Variants in HECW2 observed in about 807,000 individuals in gnomAD.
HECW2 encodes the protein HECT, C2 and WW domain containing E3 ubiquitin protein ligase 2.
Under a neutral mutation model 175.2 loss-of-function variants are expected in HECW2, and 61 were observed. The ratio of observed to expected loss-of-function variants is 0.35; its 90% CI spans 0.28 to 0.43. The LOEUF is 0.43. Among genes scored for constraint, HECW2 ranks in the 20% least tolerant of loss-of-function variants. The pLI is 1.00. For missense variants in HECW2, 1,524 were observed against 2,000.5 expected (o/e 0.76, Z 4.54); for synonymous variants, 671 against 731.0 (o/e 0.92, Z 1.32).
chr2:196,422,930 T>C (rs1375548584), intron 2 of HECW2, among the ~76,000 whole-genome samples: 1 of 152,164 alleles, frequency 6.6e-6, no homozygotes, highest in Non-Finnish European at 1.5e-5. Flanking sequence ...CCCATCACCT[T>C]GTAAAGCATG....
At chr2:196,414,077 CCT>C (rs1044539938) in intron 2 of HECW2, among the ~76,000 whole-genome samples, 2 of 152,204 alleles carry the variant, frequency 1.3e-5, no homozygotes, top group Admixed American at 1.3e-4. Context: ...AAGACAGTCC[CCT>C]GATTTTCTCT....
chr2:196,501,602 G>A (rs537350985), intron 1 of HECW2, among the ~76,000 whole-genome samples: 25 of 152,054 alleles, frequency 1.6e-4, no homozygotes, highest in Non-Finnish European at 3.5e-4. Context: ...AGAACCAAAA[G>A]CCTAAGTTCT....
intron 10 of HECW2, among the ~76,000 whole-genome samples, chr2:196,308,567 T>A (rs893781130): frequency 2.0e-5 from 3 of 152,094 alleles, no homozygotes; most frequent in Admixed American, 2.0e-4. Flanking sequence ...CAGAAAAAAA[T>A]AACTAAAATA....
intron 1 of HECW2, among the ~76,000 whole-genome samples, chr2:196,549,864 A>G (rs1689551742): frequency 1.3e-5 from 2 of 152,224 alleles, no homozygotes; most frequent in African/African-American, 4.8e-5. Context: ...GCAATGCTAT[A>G]ATATTCTAAA....
rs191492403 is a variant in HECW2 at position 196,284,435 on chromosome 2, G to A, written c.3001-5773C>T. Reference sequence around the variant, plus strand: ...ACCTCCATCAAAGCCACACAGCTAGGGCACTGACTGAATATAGCACTTCTA... The same window carrying A: ...ACCTCCATCAAAGCCACACAGCTAGAGCACTGACTGAATATAGCACTTCTA... On this transcript the variant is annotated intron_variant, in intron 14 of 28. Coordinates refer to ENST00000644978, the MANE Select transcript of HECW2 (RefSeq NM_001348768.2). Among the ~76,000 whole-genome samples the A allele has an allele frequency of 6.1e-4, 93 of 152,282 alleles. 1 individual carries two copies. Among genetic ancestry groups the A allele is most frequent in the Non-Finnish European group, 1.5e-4 (10 of 68,016 alleles).
chr2:196,429,929 T>C (rs1695658787), intron 2 of HECW2, among the ~76,000 whole-genome samples: 1 of 152,176 alleles, frequency 6.6e-6, no homozygotes, highest in African/African-American at 2.4e-5. Flanking sequence ...ACCAAGGCTT[T>C]ATAGAGAGCA....
chr2:196,306,866 G>C (rs1417958135), intron 12 of HECW2, among the ~76,000 whole-genome samples: 2 of 152,080 alleles, frequency 1.3e-5, no homozygotes, highest in Non-Finnish European at 2.9e-5. Context: ...TATTTTAAAT[G>C]ATCTGATTCT....
At chr2:196,542,972 T>C (rs1351452684) in intron 1 of HECW2, among the ~76,000 whole-genome samples, 2 of 148,506 alleles carry the variant, frequency 1.3e-5, no homozygotes, top group Non-Finnish European at 3.0e-5. Flanking sequence ...ATATAGGTAT[T>C]ATACATATCT....
chr2:196,231,144 C>T (rs986085380), intron 21 of HECW2, among the ~76,000 whole-genome samples: 4 of 147,714 alleles, frequency 2.7e-5, no homozygotes, highest in East Asian at 2.0e-4. Flanking sequence ...ATACTTTTCC[C>T]GATTAAAATT....
intron 21 of HECW2, among the ~76,000 whole-genome samples, chr2:196,235,823 A>T (rs1354773112): frequency 6.6e-6 from 1 of 150,658 alleles, no homozygotes; most frequent in Non-Finnish European, 1.5e-5. Flanking sequence ...TGCCCGGCTA[A>T]TTTTTTTTGT....
At chr2:196,590,170 G>T (rs1427844392) in intron 1 of HECW2, among the ~76,000 whole-genome samples, 1 of 151,992 alleles carries the variant, frequency 6.6e-6, no homozygotes, top group Non-Finnish European at 1.5e-5. Context: ...ACCCAAACCA[G>T]GACACTTTTA....
intron 1 of HECW2, among the ~76,000 whole-genome samples, chr2:196,507,799 G>A (rs1189307597): frequency 2.0e-5 from 3 of 152,270 alleles, no homozygotes; most frequent in South Asian, 4.2e-4. Context: ...AATGCTCTAC[G>A]GGTGTGTTCC....
At chr2:196,543,847 C>T (rs529950641) in intron 1 of HECW2, among the ~76,000 whole-genome samples, 7 of 152,328 alleles carry the variant, frequency 4.6e-5, no homozygotes, top group African/African-American at 1.7e-4. Context: ...TTCCAGACCT[C>T]GTGATCTGCC....
At chr2:196,585,120 C>T (rs1690927891) in intron 1 of HECW2, among the ~76,000 whole-genome samples, 2 of 152,170 alleles carry the variant, frequency 1.3e-5, no homozygotes, top group South Asian at 4.1e-4. Context: ...AAGTATATTA[C>T]TGAGGTATAC....
chr2:196,297,381 C>T (rs1690857033), intron 13 of HECW2, among the ~76,000 whole-genome samples: 1 of 152,138 alleles, frequency 6.6e-6, no homozygotes. Context: ...CTCCTTAGAA[C>T]TTAAATGTGT....
At chr2:196,372,788 C>T (rs1693944472) in intron 2 of HECW2, among the ~76,000 whole-genome samples, 1 of 152,244 alleles carries the variant, frequency 6.6e-6, no homozygotes, top group East Asian at 1.9e-4. Context: ...ATTTTTAAGA[C>T]ATTTTCTCAT....
intron 1 of HECW2, among the ~76,000 whole-genome samples, chr2:196,584,322 A>C (rs1209295642): frequency 6.6e-6 from 1 of 152,140 alleles, no homozygotes; most frequent in Non-Finnish European, 1.5e-5. Context: ...TGTCCCACTC[A>C]CCATCACCCT....
intron 1 of HECW2, among the ~76,000 whole-genome samples, 172 bp downstream of exon 1, chr2:196,593,336 G>A (rs1031371237): frequency 1.3e-5 from 2 of 150,486 alleles, no homozygotes; most frequent in African/African-American, 4.9e-5. Context: ...GCGCGGCCCC[G>A]AGCGGCCCCG....
At chr2:196,263,828 T>C (rs1461781139) in intron 17 of HECW2, 1 of 152,248 alleles carries the variant, frequency 6.6e-6, no homozygotes, top group Admixed American at 6.5e-5. Context: ...CTCATGTTAA[T>C]ATAAACATAA....
Sources: allele counts gnomAD v4.1 joint callset (sites outside exome capture counted in the v4.1 genomes callset), GRCh38; gene constraint gnomAD v4.1.1; transcripts MANE v1.5; gene names NCBI Gene and HGNC (gene_info 2026-07-23, HGNC 2026-07-21).